Variants in SLC24A2 observed in about 807,000 individuals in gnomAD.
The protein encoded by SLC24A2 is sodium/potassium/calcium exchanger 2.
A neutral mutation model predicts 62.0 loss-of-function variants in SLC24A2; 36 were observed. That is an observed-to-expected ratio of 0.58 (90% CI 0.44 to 0.77). The LOEUF is 0.77. SLC24A2 is among the 30% of genes least tolerant of loss of function. The probability of loss-of-function intolerance (pLI) is 0.00; values close to 1 mark genes in which losing one functional copy is unlikely to be tolerated. For synonymous variants in SLC24A2, 358 were observed against 294.0 expected, an observed-to-expected ratio of 1.22 and a Z score of -2.23; for missense variants, 846 against 817.9, an observed-to-expected ratio of 1.03 and a Z score of -0.42.
chr9:19,859,456 T>C, the SLC24A2 span, among the ~76,000 whole-genome samples: 103 of 152,262 alleles, frequency 6.8e-4, no homozygotes, highest in African/African-American at 2.3e-3. Context: ...ACATGCAGTT[T>C]ACCTATGCAA....
At chr9:20,074,555 C>CAGGCAGGA in the SLC24A2 span, among the ~76,000 whole-genome samples, 4 of 87,354 alleles carry the variant, frequency 4.6e-5, no homozygotes, top group African/African-American at 1.6e-4. Context: ...GAGAAGAAGG[C>CAGGCAGGA]AGGAAGGAAG....
the SLC24A2 span, among the ~76,000 whole-genome samples, chr9:20,025,249 A>C: frequency 0.16 from 24,760 of 152,104 alleles, 2,406 homozygotes; most frequent in Admixed American, 0.32. Flanking sequence ...AGAATGTATT[A>C]ACCTTAGGGA....
chr9:19,851,110 A>G, the SLC24A2 span, among the ~76,000 whole-genome samples: 50 of 138,242 alleles, frequency 3.6e-4, no homozygotes, highest in South Asian at 1.2e-3. Flanking sequence ...CACAATCTCT[A>G]TCTCCTGGGT....
At chr9:19,836,200 A>T in the SLC24A2 span, among the ~76,000 whole-genome samples, 163 of 152,322 alleles carry the variant, frequency 1.1e-3, 2 homozygotes, top group African/African-American at 3.8e-3. Flanking sequence ...TTTAAAAGCT[A>T]GCAGAAGGCA....
chr9:19,719,958 A>T (rs1587214282), intron 2 of SLC24A2, among the ~76,000 whole-genome samples: 2 of 152,316 alleles, frequency 1.3e-5, no homozygotes, highest in East Asian at 3.9e-4. Flanking sequence ...AACTGAGGTA[A>T]CTCTGAAGTC....
chr9:20,218,794 A>G, the SLC24A2 span, among the ~76,000 whole-genome samples: 1 of 152,096 alleles, frequency 6.6e-6, no homozygotes, highest in Non-Finnish European at 1.5e-5. Flanking sequence ...TGTATTTCTT[A>G]TCTCAGTTTC....
the SLC24A2 span, among the ~76,000 whole-genome samples, chr9:19,894,830 C>G: frequency 2.6e-3 from 398 of 152,258 alleles, 1 homozygote; most frequent in Non-Finnish European, 3.9e-3. Flanking sequence ...TTCCATAATA[C>G]TCTTTGAGGA....
chr9:19,707,102 C>A (rs896614016), intron 2 of SLC24A2, among the ~76,000 whole-genome samples: 9 of 151,738 alleles, frequency 5.9e-5, no homozygotes, highest in Non-Finnish European at 8.8e-5. Flanking sequence ...GAAATACAAA[C>A]TACCATCAGA....
the SLC24A2 span, among the ~76,000 whole-genome samples, chr9:19,920,594 A>G: frequency 6.6e-6 from 1 of 152,250 alleles, no homozygotes; most frequent in Non-Finnish European, 1.5e-5. Context: ...AACCTCTGGG[A>G]GCCTGAAAGG....
the SLC24A2 span, chr9:19,958,112 T>C: frequency 6.6e-6 from 1 of 152,210 alleles, no homozygotes; most frequent in Non-Finnish European, 1.5e-5. Flanking sequence ...ATGCTGCTCA[T>C]GGCTAGGGAA....
the SLC24A2 span, among the ~76,000 whole-genome samples, chr9:20,102,994 T>A: frequency 1.4e-4 from 21 of 152,278 alleles, no homozygotes; most frequent in African/African-American, 4.6e-4. Flanking sequence ...ACTCCCACCC[T>A]AATACTGCGC....
chr9:19,584,191 G>A (rs1428532433), intron 5 of SLC24A2, among the ~76,000 whole-genome samples: 1 of 149,478 alleles, frequency 6.7e-6, no homozygotes, highest in East Asian at 2.0e-4. Flanking sequence ...TTGCAGTGAA[G>A]CTCTCACTAT....
At chr9:20,032,533 C>T in the SLC24A2 span, among the ~76,000 whole-genome samples, 5 of 152,202 alleles carry the variant, frequency 3.3e-5, no homozygotes. Context: ...GCCCAAGGGT[C>T]GGGTTACCAT....
At chr9:20,293,444 CT>C in the SLC24A2 span, among the ~76,000 whole-genome samples, 1 of 152,148 alleles carries the variant, frequency 6.6e-6, no homozygotes, top group Non-Finnish European at 1.5e-5. Flanking sequence ...TAGGGAACCC[CT>C]ATGACTGGTC....
intron 2 of SLC24A2, among the ~76,000 whole-genome samples, chr9:19,776,922 C>T (rs905680437): frequency 3.3e-5 from 5 of 152,156 alleles, no homozygotes; most frequent in Admixed American, 2.0e-4. Context: ...CAATAGGGTT[C>T]CTTGGAGGTA....
chr9:19,869,409 C>G, the SLC24A2 span, among the ~76,000 whole-genome samples: 1 of 152,168 alleles, frequency 6.6e-6, no homozygotes, highest in Non-Finnish European at 1.5e-5. Flanking sequence ...TCGTTTTTCT[C>G]TTGCTCCTTT....
At chr9:19,809,725 C>T in the SLC24A2 span, among the ~76,000 whole-genome samples, 1 of 152,014 alleles carries the variant, frequency 6.6e-6, no homozygotes, top group Non-Finnish European at 1.5e-5. Context: ...TTCCCCTGCA[C>T]TATGTAAACG....
the SLC24A2 span, among the ~76,000 whole-genome samples, chr9:19,845,111 A>G: frequency 6.2e-3 from 942 of 152,128 alleles, 12 homozygotes; most frequent in African/African-American, 0.022. Flanking sequence ...GGGCAGTATG[A>G]CCACCTTAAC....
chr9:19,747,978 G>A (rs1387141738), intron 2 of SLC24A2, among the ~76,000 whole-genome samples: 1 of 152,174 alleles, frequency 6.6e-6, no homozygotes, highest in African/African-American at 2.4e-5. Context: ...GATGCTCTAT[G>A]CAAGCAGTCC....
Sources: allele counts gnomAD v4.1 joint callset (sites outside exome capture counted in the v4.1 genomes callset), GRCh38; gene constraint gnomAD v4.1.1; transcripts MANE v1.5; gene names NCBI Gene and HGNC (gene_info 2026-07-23, HGNC 2026-07-21).